KNG1: variants seen among roughly 807,000 people sequenced by gnomAD.
KNG1 encodes the protein kininogen-1.
In KNG1, 23 loss-of-function variants were observed where a neutral mutation model predicts 47.8. The observed-to-expected ratio is 0.48, with a 90% confidence interval of 0.35 to 0.68. The LOEUF is 0.68. KNG1 is among the 30% of genes least tolerant of loss of function. The probability of loss-of-function intolerance (pLI) is 0.01; values close to 1 mark genes in which losing one functional copy is unlikely to be tolerated. For synonymous variants in KNG1, 277 were observed against 277.0 expected, an observed-to-expected ratio of 1.00 and a Z score of 0.00; for missense variants, 762 against 790.2, an observed-to-expected ratio of 0.96 and a Z score of 0.43.
intron 5 of KNG1, 39 bp from the exon 6 acceptor site, chr3:186,731,506 T>C: frequency 8.2e-7 from 1 of 1,225,912 alleles, no homozygotes; most frequent in Non-Finnish European, 1.2e-6. Flanking sequence ...CTCTAAAAAA[T>C]GTTTTTAACT....
At chr3:186,728,370 A>C (rs1012819409) in intron 5 of KNG1, 3 of 152,170 alleles carry the variant, frequency 2.0e-5, no homozygotes, top group African/African-American at 7.2e-5. Flanking sequence ...GTTGTTTTTT[A>C]ATAGAAAAAT....
intron 9 of KNG1, among the ~76,000 whole-genome samples, chr3:186,740,418 G>A (rs565443960): frequency 1.3e-5 from 2 of 152,262 alleles, no homozygotes; most frequent in East Asian, 1.9e-4. Flanking sequence ...GAAGCTGATG[G>A]CACTTGGATT....
chr3:186,733,647 G>A (rs942812885), intron 7 of KNG1, among the ~76,000 whole-genome samples: 4 of 152,096 alleles, frequency 2.6e-5, no homozygotes, highest in Non-Finnish European at 2.9e-5. Context: ...TTGTGGCCCC[G>A]TCTGTAAAAT....
chr3:186,722,889 C>T (rs1159529159), intron 3 of KNG1, among the ~76,000 whole-genome samples: 1 of 152,166 alleles, frequency 6.6e-6, no homozygotes, highest in Non-Finnish European at 1.5e-5. Flanking sequence ...TGCCTTCTTG[C>T]CTCTCCTTTT....
chr3:186,717,956 CCCACCACCCACCACCCA>C, intron 1 of KNG1: 1 of 426,582 alleles, frequency 2.3e-6, no homozygotes, highest in South Asian at 2.1e-5. Flanking sequence ...ACCACCATCA[CCCACCACCCACCACCCA>C]CCACCACCCA....
rs781619057 is a variant in KNG1, at chr3:186,732,677, G to A, written c.930+3G>A. On this transcript the variant is annotated splice_donor_region_variant and intron_variant, in intron 7 of 9. Transcript: ENST00000644859. Reference sequence around the variant, plus strand: ...ATGTGAAAAAAGCAAGAGTACAGGTGTGTAAACTATACTACAAAAGCAGTA... The same window carrying A: ...ATGTGAAAAAAGCAAGAGTACAGGTATGTAAACTATACTACAAAAGCAGTA... The A allele has an allele frequency of 6.2e-7, 1 of 1,610,320 alleles. No homozygotes were observed. The highest frequency in any genetic ancestry group is 8.5e-7 in the Non-Finnish European group (1 of 1,176,492).
chr3:186,719,512 G>T (rs953966437), intron 1 of KNG1, among the ~76,000 whole-genome samples: 3 of 152,086 alleles, frequency 2.0e-5, no homozygotes, highest in Non-Finnish European at 4.4e-5. Context: ...AGGCCAAGGC[G>T]GGGGGATCAC....
intron 2 of KNG1, chr3:186,720,442 G>T (rs1018811581): frequency 1.6e-5 from 9 of 563,510 alleles, no homozygotes; most frequent in Non-Finnish European, 2.9e-5. Flanking sequence ...CATGAGAAGG[G>T]GGCTCTAGTG....
chr3:186,726,637 C>T (rs1720381622), intron 4 of KNG1, among the ~76,000 whole-genome samples: 1 of 152,134 alleles, frequency 6.6e-6, no homozygotes, highest in African/African-American at 2.4e-5. Flanking sequence ...ATTTCAGCCT[C>T]TTATTATGAG....
Position 186,735,075 on chromosome 3 carries a change from G to A in KNG1, c.930+2401G>A, listed in dbSNP as rs377593421. The stretch of plus-strand genomic sequence containing the variant: ...TTTCATTGCCATATGACCACGTTAG[G>A]TTTACTTGAAAGGGACGCCAATCTA... On this transcript the variant is annotated intron_variant, in intron 7 of 9. Transcript: ENST00000644859. 2.0e-5 allele frequency among the ~76,000 whole-genome samples: 3 copies of A among 152,158 alleles called. No homozygotes were observed. The East Asian group carries it at 5.8e-4, about 29-fold the overall frequency.
At chr3:186,735,814 C>T (rs1356773109) in intron 7 of KNG1, 1 of 151,832 alleles carries the variant, frequency 6.6e-6, no homozygotes, top group Non-Finnish European at 1.5e-5. Flanking sequence ...ACAGAGCAAA[C>T]AAAAAGAGAG....
At position 186,742,035 on chromosome 3, in the gene KNG1, C is replaced by T. The variant is rs542069764; in HGVS notation, c.1639C>T (p.Pro547Ser). ...ACAAGAGAAGACAGAAGGGCCAACA[C>T]CCATCCCTTCCCTAGCCAAGCCAGG... ...QTQEKTEGPT[P>S]IPSLAKPGVT... Residue 547 changes from proline to serine, a missense_variant, in exon 10 of 10, where the codon CCC (proline) becomes TCC (serine). Transcript: ENST00000644859. 1.2e-4 allele frequency: 196 copies of T among 1,614,104 alleles called. 2 individuals are homozygous for T. The South Asian group carries it at 2.0e-3, about 16-fold the overall frequency.
chr3:186,737,798 G>A (rs1224830544), intron 7 of KNG1, among the ~76,000 whole-genome samples: 1 of 152,076 alleles, frequency 6.6e-6, no homozygotes. Context: ...GACCTCAGGT[G>A]ATCTGCCCGC....
chr3:186,727,168 T>A (rs1720397199), intron 4 of KNG1, 69 bp from the exon 5 acceptor site: 2 of 1,071,418 alleles, frequency 1.9e-6, no homozygotes, highest in African/African-American at 3.1e-5. Flanking sequence ...AAACTCCTCA[T>A]AACATTCATA....
At chr3:186,720,784 CTTTTT>C (rs1167537831) in intron 2 of KNG1, among the ~76,000 whole-genome samples, 3 of 89,778 alleles carry the variant, frequency 3.3e-5, no homozygotes, top group African/African-American at 1.4e-4. Flanking sequence ...TGTTGTTTTG[CTTTTT>C]TTTTTTTTTT....
intron 3 of KNG1, among the ~76,000 whole-genome samples, chr3:186,723,099 T>C (rs539268895): frequency 6.7e-6 from 1 of 149,496 alleles, no homozygotes; most frequent in African/African-American, 2.5e-5. Flanking sequence ...TCAAAGCACC[T>C]TACATGTATT....
Position 186,725,174 on chromosome 3 carries a change from C to A in KNG1, c.478C>A (p.Leu160Met). 1 of 1,614,210 alleles carries A rather than the reference C, an allele frequency of 6.2e-7. No homozygotes were observed. The highest frequency in any genetic ancestry group is 8.5e-7 in the Non-Finnish European group (1 of 1,180,028). ...STQSPDLEPI[L>M]RHGIQYFNNN... is the part of the protein sequence containing the mutation. ...GCAGAGCCCAGACCTGGAGCCCATT[C>A]TGAGACACGGCATTCAGTACTTTAA... Residue 160 changes from leucine (L) to methionine (M), a missense_variant, in exon 4 of 10, where the codon CTG (leucine) becomes ATG (methionine). Leu to Met is a conservative substitution (Grantham distance 15). Coordinates refer to ENST00000644859, the MANE Select transcript of KNG1 (RefSeq NM_001102416.3).
chr3:186,731,352 T>G (rs189049070), intron 5 of KNG1, among the ~76,000 whole-genome samples, 193 bp from the exon 6 acceptor site: 24 of 152,332 alleles, frequency 1.6e-4, no homozygotes, highest in African/African-American at 5.3e-4. Flanking sequence ...TGTATATGCA[T>G]GTATTTGTTG....
intron 7 of KNG1, chr3:186,734,889 G>A (rs928165454): frequency 1.3e-5 from 2 of 152,060 alleles, no homozygotes; most frequent in Non-Finnish European, 2.9e-5. Context: ...ATTTTTAGGT[G>A]ATGGAATAAC....
Sources: gnomAD v4.1 joint callset for allele counts (sites outside exome capture counted in the v4.1 genomes callset) on GRCh38, gnomAD v4.1.1 for gene constraint, MANE v1.5 for transcripts, NCBI Gene and HGNC (gene_info 2026-07-23, HGNC 2026-07-21) for gene names.